The following BRF1 variants were observed in gnomAD, a reference collection of about 807,000 sequenced individuals.
BRF1 encodes the protein transcription factor IIIB 90 kDa subunit.
In BRF1, 59 loss-of-function variants were observed where a neutral mutation model predicts 81.7. The ratio of observed to expected loss-of-function variants is 0.72; its 90% CI spans 0.59 to 0.90. The LOEUF (loss-of-function observed/expected upper bound fraction) is 0.90. Ranked by LOEUF, BRF1 falls within the 40% of genes least tolerant of loss-of-function variation. BRF1 has a pLI of 0.00. For missense variants in BRF1, 1,050 were observed against 936.3 expected, an observed-to-expected ratio of 1.12 and a Z score of -1.58; for synonymous variants, 491 against 395.6, an observed-to-expected ratio of 1.24 and a Z score of -2.86.
intron 10 of BRF1, among the ~76,000 whole-genome samples, chr14:105,222,775 C>T (rs1466255645): frequency 1.3e-5 from 2 of 152,124 alleles, no homozygotes; most frequent in Non-Finnish European, 1.5e-5. Context: ...ACTACAGGCG[C>T]CCGCCACCAC....
intron 1 of BRF1, among the ~76,000 whole-genome samples, chr14:105,298,034 T>C (rs907276170): frequency 6.6e-6 from 1 of 152,204 alleles, no homozygotes; most frequent in Admixed American, 6.5e-5. Flanking sequence ...CTCCAAAACA[T>C]GAAACTTTTT....
rs765519824 is a variant in BRF1 at position 105,309,203 on chromosome 14, GGAAA to G, written c.-162+6115_-162+6118del. Among the ~76,000 whole-genome samples the G allele has an allele frequency of 1.3e-5, 2 of 152,028 alleles. No individual in the cohort carries two copies. Among genetic ancestry groups the G allele is most frequent in the Non-Finnish European group, 2.9e-5 (2 of 68,012 alleles). ...CTTATTGTGATGATATTCTATTGTG[GGAAA>G]GAAAGAAGTGTTAAAATTTATGCAT... On this transcript the variant is annotated intron_variant, in intron 1 of 17. Coordinates refer to the BRF1 transcript ENST00000327359. The surrounding 1 kb of genome is among the most constrained non-coding windows in gnomAD (Gnocchi z 4.0).
rs2056636211 is a variant in BRF1 at position 105,271,160 on chromosome 14, C to CA, written c.439+1560dup. Among the ~76,000 whole-genome samples, 1 of 152,068 alleles carries CA rather than the reference C, an allele frequency of 6.6e-6. No individual in the cohort carries two copies. Among genetic ancestry groups the CA allele is most frequent in the Non-Finnish European group, 1.5e-5 (1 of 67,996 alleles). On this transcript the variant is annotated intron_variant, in intron 3 of 17. Transcript: ENST00000547530. This position sits in a 1 kb window ranked among gnomAD's most constrained non-coding sequence, Gnocchi z 5.5. ...CCCAAAGCAAAAAGATAGCCACGTG[C>CA]AAAAAAGGATGAGATAACACATGGG...
intron 3 of BRF1, among the ~76,000 whole-genome samples, chr14:105,265,687 G>A (rs587608992): frequency 6.6e-6 from 1 of 152,008 alleles, no homozygotes; most frequent in South Asian, 2.1e-4. Flanking sequence ...CACGAGGTCA[G>A]GAGATTGAGA....
intron 2 of BRF1, 128 bp downstream of exon 2, chr14:105,286,168 G>A (rs2140475479): frequency 9.5e-7 from 1 of 1,055,666 alleles, no homozygotes; most frequent in Admixed American, 2.0e-5. Flanking sequence ...CCTGGGCTGG[G>A]CGTGCAGGGT....
At chr14:105,265,069 G>T (rs200932296) in intron 3 of BRF1, among the ~76,000 whole-genome samples, 24,748 of 122,586 alleles carry the variant, frequency 0.2, 3,311 homozygotes, top group Non-Finnish European at 0.26. Context: ...TTTTTTGTTT[G>T]TTTGTTTTTT....
Position 105,250,484 on chromosome 14 carries a change from G to A in BRF1, c.544+2023C>T, listed in dbSNP as rs587598398. The A allele has an allele frequency of 4.3e-6, 7 of 1,613,998 alleles. No homozygotes were observed. Among genetic ancestry groups the A allele is most frequent in the Admixed American group, 3.3e-5 (2 of 60,006 alleles). Reference sequence around the variant, plus strand: ...GGTCTGGTTTGAACACCCGGTCCAGGTTGAACAAGACACCTTCTACACGGC... The same window carrying A: ...GGTCTGGTTTGAACACCCGGTCCAGATTGAACAAGACACCTTCTACACGGC... On this transcript the variant is annotated intron_variant, in intron 5 of 17. Coordinates refer to ENST00000547530, the MANE Select transcript of BRF1 (RefSeq NM_001519.4).
chr14:105,226,528 T>A, intron 8 of BRF1, 106 bp downstream of exon 8: 2 of 1,566,794 alleles, frequency 1.3e-6, no homozygotes, highest in South Asian at 1.2e-5. Flanking sequence ...AGAGCGGCTA[T>A]GAGGCTTTGG....
intron 5 of BRF1, chr14:105,248,084 C>A (rs963740327): frequency 2.0e-6 from 2 of 985,332 alleles, no homozygotes; most frequent in South Asian, 4.7e-5. Context: ...CCTCTCTGTG[C>A]CTATTTCCTC....
At chr14:105,290,607 C>T (rs56263609) in intron 1 of BRF1, among the ~76,000 whole-genome samples, 30,698 of 151,968 alleles carry the variant, frequency 0.2, 3,776 homozygotes, top group Middle Eastern at 0.27. Flanking sequence ...TTGTGTTTTA[C>T]GCAATCTCTT....
intron 2 of BRF1, among the ~76,000 whole-genome samples, chr14:105,274,421 C>G (rs895441084): frequency 6.6e-6 from 1 of 152,190 alleles, no homozygotes; most frequent in Non-Finnish European, 1.5e-5. Flanking sequence ...CTCAGTCTCT[C>G]GTCCCACCTG....
rs1218618304 is a variant in BRF1 at position 105,226,402 on chromosome 14, C to T, written c.916-112G>A. On this transcript the variant is annotated intron_variant, in intron 8 of 17. Transcript: ENST00000547530. The stretch of plus-strand genomic sequence containing the variant: ...CACAGGCTGCTAGAACTTAGGGGTA[C>T]GCAGCGATGGAGGTGGAGCTATGGG... 41 of 1,502,116 alleles carry T rather than the reference C, an allele frequency of 2.7e-5. 1 individual carries two copies. The highest frequency in any genetic ancestry group is 2.2e-4 in the South Asian group (19 of 87,768). 93.0% of individuals were successfully genotyped at this position (1,502,116 alleles called of 1,614,324 possible). A position where few individuals can be genotyped will look rare whatever the true frequency, so the allele number is the denominator to read the frequency against.
intron 10 of BRF1, among the ~76,000 whole-genome samples, chr14:105,223,897 G>A (rs777635658): frequency 1.3e-5 from 2 of 152,180 alleles, no homozygotes; most frequent in Non-Finnish European, 2.9e-5. Context: ...CTTGAGCTAC[G>A]TGTTCATTTC....
chr14:105,249,216 CG>C, intron 5 of BRF1: 3 of 1,587,616 alleles, frequency 1.9e-6, no homozygotes, highest in Admixed American at 1.7e-5. Flanking sequence ...GTGGGGCCCC[CG>C]GGGGCGACCA....
rs946655692 is a variant in BRF1 at position 105,244,993 on chromosome 14, C to A, written c.545-3579G>T. 2.6e-5 allele frequency among the ~76,000 whole-genome samples: 4 copies of A among 152,038 alleles called. No homozygotes were observed. The East Asian group carries it at 7.7e-4, about 29-fold the overall frequency. ...TGAGCAAAAACAAGTAGTCCCCTCA[C>A]CTCCAAACGCTGTTAGAAATTAAAG... On this transcript the variant is annotated intron_variant, in intron 5 of 17. Transcript: ENST00000547530.
intron 1 of BRF1, among the ~76,000 whole-genome samples, chr14:105,299,388 T>C (rs1283120495): frequency 1.3e-5 from 2 of 151,902 alleles, no homozygotes; most frequent in East Asian, 1.9e-4. Flanking sequence ...CTGGGCAACA[T>C]AGAGACCTTG....
intron 3 of BRF1, among the ~76,000 whole-genome samples, chr14:105,258,407 T>G (rs1204747718): frequency 6.6e-6 from 1 of 150,930 alleles, no homozygotes; most frequent in Non-Finnish European, 1.5e-5. Flanking sequence ...GAGAATGGCG[T>G]GAACCCAGAA....
Position 105,210,654 on chromosome 14 carries a change from C to G in BRF1, c.1997-66G>C. The G allele has an allele frequency of 1.9e-6, 3 of 1,561,470 alleles. No individual in the cohort carries two copies. The highest frequency in any genetic ancestry group is 1.7e-5 in the Admixed American group (1 of 57,882). On this transcript the variant is annotated intron_variant, in intron 17 of 17. Coordinates refer to ENST00000547530, the MANE Select transcript of BRF1 (RefSeq NM_001519.4). This position sits in a 1 kb window ranked among gnomAD's most constrained non-coding sequence, Gnocchi z 4.7. ...GACCCAGGAGCCCAGACCCCCCAACCCGCCCTGTTCCTGGTGCCCCCCTAG... is the reference window on the plus strand; with the variant it reads ...GACCCAGGAGCCCAGACCCCCCAACGCGCCCTGTTCCTGGTGCCCCCCTAG...
chr14:105,294,419 G>A (rs1298722209), intron 1 of BRF1, among the ~76,000 whole-genome samples: 1 of 152,366 alleles, frequency 6.6e-6, no homozygotes, highest in East Asian at 1.9e-4. Context: ...AGTGAGGGCA[G>A]TGCGCTGTCA....
Sources: gnomAD v4.1 joint callset for allele counts (sites outside exome capture counted in the v4.1 genomes callset) on GRCh38, gnomAD v4.1.1 for gene constraint, Gnocchi (gnomAD v3.1) non-coding constraint, MANE v1.5 for transcripts, NCBI Gene and HGNC (gene_info 2026-07-23, HGNC 2026-07-21) for gene names.